Variants in LUC7L2 observed in about 807,000 individuals in gnomAD.
LUC7L2 encodes the protein putative RNA-binding protein Luc7-like 2.
LUC7L2 carries 25 observed loss-of-function variants against 52.8 expected under a neutral mutation model. The observed-to-expected ratio is 0.47, with a 90% CI of 0.34 to 0.66. LUC7L2 has a LOEUF of 0.66. Ranked by LOEUF, LUC7L2 falls within the 30% of genes least tolerant of loss-of-function variation. LUC7L2 has a pLI of 0.01. For missense variants in LUC7L2, 328 were observed against 497.8 expected (o/e 0.66, Z 3.25); for synonymous variants, 144 against 160.9 (o/e 0.89, Z 0.80).
At chr7:139,379,344 A>G (rs1450499212) in intron 2 of LUC7L2, among the ~76,000 whole-genome samples, 1 of 151,154 alleles carries the variant, frequency 6.6e-6, no homozygotes, top group Admixed American at 6.6e-5. Flanking sequence ...ACAAAGGAAA[A>G]AAGTATCCAG....
At chr7:139,355,205 G>A (rs73154134), upstream of LUC7L2, among the ~76,000 whole-genome samples, 37,931 of 151,826 alleles carry the variant, frequency 0.25, 5,294 homozygotes, top group African/African-American at 0.37. Flanking sequence ...TTGTTTGTTG[G>A]TCAAGAGAAA....
intron 2 of LUC7L2, among the ~76,000 whole-genome samples, chr7:139,396,982 C>T (rs750916398): frequency 1.3e-5 from 2 of 151,924 alleles, no homozygotes; most frequent in Admixed American, 6.6e-5. Flanking sequence ...CATTAGCTAT[C>T]CTTTTTAGTT....
chr7:139,350,868 G>T (rs1306026012), intron 1 of LUC7L2, among the ~76,000 whole-genome samples: 1 of 151,924 alleles, frequency 6.6e-6, no homozygotes, highest in Non-Finnish European at 1.5e-5. Flanking sequence ...TAGAGATGGG[G>T]TTTCACCATG....
intron 3 of LUC7L2, among the ~76,000 whole-genome samples, chr7:139,400,140 G>T (rs1416311638): frequency 3.0e-5 from 2 of 66,446 alleles, no homozygotes; most frequent in Admixed American, 1.2e-4. Flanking sequence ...TTGGCCTTGC[G>T]GGGGTATTTT....
intron 1 of LUC7L2, chr7:139,341,653 G>T: frequency 7.0e-7 from 1 of 1,427,096 alleles, no homozygotes; most frequent in South Asian, 1.4e-5. Context: ...CCCTGGTTCT[G>T]ACCAAACCAA....
At chr7:139,387,109 G>C (rs1222433123) in intron 2 of LUC7L2, among the ~76,000 whole-genome samples, 1 of 152,026 alleles carries the variant, frequency 6.6e-6, no homozygotes, top group Non-Finnish European at 1.5e-5. Context: ...CAAAGTGCTG[G>C]GATTACAGGC....
At chr7:139,402,060 AGTGTG>A in intron 3 of LUC7L2, 72 bp from the exon 4 acceptor site, 1 of 1,424,920 alleles carries the variant, frequency 7.0e-7, no homozygotes, top group Middle Eastern at 2.0e-4. Flanking sequence ...TAAAAAGCAA[AGTGTG>A]ATTTTTGTAT....
At chr7:139,360,453 C>G in intron 1 of LUC7L2, 131 bp downstream of exon 1, 1 of 739,614 alleles carries the variant, frequency 1.4e-6, no homozygotes, top group Non-Finnish European at 2.2e-6. Context: ...ACGAGGTCCC[C>G]GTCCCCCGTC....
intron 1 of LUC7L2, chr7:139,375,639 T>C: frequency 1.0e-6 from 1 of 978,714 alleles, no homozygotes; most frequent in Non-Finnish European, 1.2e-6. Flanking sequence ...TAAATAAAAA[T>C]ATATCAATGC....
intron 2 of LUC7L2, 150 bp downstream of exon 2, chr7:139,376,306 C>G: frequency 1.2e-6 from 1 of 808,080 alleles, no homozygotes; most frequent in Admixed American, 3.0e-5. Context: ...TTACTTAAAT[C>G]TTCAGTAATG....
At position 139,341,551 on chromosome 7, in the gene LUC7L2, C is replaced by G. The variant is rs1206456601; in HGVS notation, c.-26+1034C>G. ...CGGGAGCCATGTCCCGGGTGCTCTA[C>G]GTGCTGGGGAGGGAGGAAGAGCCGG... On this transcript the variant is annotated intron_variant, in intron 1 of 10. Coordinates refer to the LUC7L2 transcript ENST00000541170. 5 of 1,601,640 alleles carry G rather than the reference C, an allele frequency of 3.1e-6. No homozygotes were observed. In the Admixed American group the frequency reaches 5.0e-5, roughly 16 times the overall value.
chr7:139,384,769 G>A (rs964681792), intron 2 of LUC7L2, among the ~76,000 whole-genome samples: 5 of 151,322 alleles, frequency 3.3e-5, no homozygotes, highest in Non-Finnish European at 7.4e-5. Flanking sequence ...TAAGAGTTGG[G>A]GGTCTCACTG....
Position 139,402,139 on chromosome 7 carries a change from C to T in LUC7L2, c.258C>T (p.Ala86=). ...KEQDFFFELD[A]MDHLQSFIAD... ...TTGTCTTTAATTAAACTTTGTAGGCCATGGATCATCTGCAGTCATTCATTG... is the reference window on the plus strand; with the variant it reads ...TTGTCTTTAATTAAACTTTGTAGGCTATGGATCATCTGCAGTCATTCATTG... The change falls in exon 4 of 10, where the codon GCC becomes GCT. Residue 86 remains alanine, a splice_region_variant and synonymous_variant. Coordinates refer to ENST00000354926, the MANE Select transcript of LUC7L2 (RefSeq NM_016019.5). 6.3e-7 allele frequency: 1 copy of T among 1,588,416 alleles called. No individual in the cohort carries two copies.
chr7:139,358,480 T>C (rs1389371969), upstream of LUC7L2, among the ~76,000 whole-genome samples: 1 of 120,042 alleles, frequency 8.3e-6, no homozygotes, highest in Admixed American at 7.2e-5. Context: ...TTGATTTTAT[T>C]AACTCATTCT....
At chr7:139,384,332 C>T (rs922723283) in intron 2 of LUC7L2, among the ~76,000 whole-genome samples, 4 of 150,312 alleles carry the variant, frequency 2.7e-5, no homozygotes, top group African/African-American at 7.3e-5. Flanking sequence ...GTGGCGTGAT[C>T]GTGGCTCACT....
At chr7:139,358,999 A>C (rs1215815657), upstream of LUC7L2, 4 of 152,266 alleles carry the variant, frequency 2.6e-5, no homozygotes, top group Non-Finnish European at 5.9e-5. Flanking sequence ...ATATTTTACT[A>C]AAACAGTTTT....
chr7:139,381,044 A>G (rs1201930095), intron 2 of LUC7L2, among the ~76,000 whole-genome samples: 2 of 152,174 alleles, frequency 1.3e-5, no homozygotes, highest in Non-Finnish European at 1.5e-5. Flanking sequence ...AGCCCTCATC[A>G]TAGCGTAACT....
chr7:139,363,976 C>CTTT lies in LUC7L2; in HGVS notation c.61+3679_61+3681dup, dbSNP rs1169793101. 2.6e-4 allele frequency among the ~76,000 whole-genome samples: 25 copies of CTTT among 96,080 alleles called. 1 individual carries two copies. Among genetic ancestry groups the CTTT allele is most frequent in the South Asian group, 6.9e-4 (2 of 2,892 alleles). 63.0% of individuals were successfully genotyped at this position (96,080 alleles called of 152,430 possible). On this transcript the variant is annotated intron_variant, in intron 1 of 9. Coordinates refer to ENST00000354926, the MANE Select transcript of LUC7L2 (RefSeq NM_016019.5). ...TGAGGGTGTGGATTTAGATTACATCCTTTTTTTTTTTTTTTTTTTTTTTTT... is the reference window on the plus strand; with the variant it reads ...TGAGGGTGTGGATTTAGATTACATCCTTTTTTTTTTTTTTTTTTTTTTTTTTTT...
chr7:139,414,420 T>C (rs891112998), intron 8 of LUC7L2, among the ~76,000 whole-genome samples: 3 of 152,236 alleles, frequency 2.0e-5, no homozygotes, highest in Admixed American at 6.5e-5. Flanking sequence ...TACAAATTTG[T>C]GTTGGGCTGT....
Sources: gnomAD v4.1 joint callset for allele counts (sites outside exome capture counted in the v4.1 genomes callset) on GRCh38, gnomAD v4.1.1 for gene constraint, MANE v1.5 for transcripts, NCBI Gene and HGNC (gene_info 2026-07-23, HGNC 2026-07-21) for gene names.